The following WWC2 variants were observed in gnomAD, a reference collection of about 807,000 sequenced individuals.
WWC2 encodes protein WWC2.
In WWC2, 101 loss-of-function variants were observed where a neutral mutation model predicts 138.5. That is an observed-to-expected ratio of 0.73 (90% CI 0.62 to 0.86). The LOEUF (loss-of-function observed/expected upper bound fraction) is 0.86, where lower values mean the gene tolerates loss of function less well. Ranked by LOEUF, WWC2 falls within the 40% of genes least tolerant of loss-of-function variation. WWC2 has a pLI of 0.00. For missense variants in WWC2, 1,420 were observed against 1,419.4 expected, an observed-to-expected ratio of 1.00 and a Z score of -0.01; for synonymous variants, 558 against 538.4, an observed-to-expected ratio of 1.04 and a Z score of -0.50.
At chr4:183,304,534 C>G (rs1738962792) in intron 21 of WWC2, among the ~76,000 whole-genome samples, 1 of 152,192 alleles carries the variant, frequency 6.6e-6, no homozygotes, top group Non-Finnish European at 1.5e-5. Flanking sequence ...AAGGCCTGCC[C>G]TCAGGAGAAA....
At chr4:183,153,077 A>G (rs1733692154) in intron 1 of WWC2, among the ~76,000 whole-genome samples, 1 of 151,882 alleles carries the variant, frequency 6.6e-6, no homozygotes, top group South Asian at 2.1e-4. Context: ...AAAAATATAT[A>G]TAGTTTTTGT....
chr4:183,304,210 A>G (rs1738952830), intron 21 of WWC2, among the ~76,000 whole-genome samples: 1 of 152,168 alleles, frequency 6.6e-6, no homozygotes, highest in East Asian at 1.9e-4. Flanking sequence ...GGCAAGCAGA[A>G]CAAAGAATCA....
chr4:183,157,989 C>T (rs752266415), intron 1 of WWC2, among the ~76,000 whole-genome samples: 20 of 152,070 alleles, frequency 1.3e-4, no homozygotes, highest in African/African-American at 3.6e-4. Flanking sequence ...CTGTAGTATG[C>T]GATGATGCAC....
intron 1 of WWC2, among the ~76,000 whole-genome samples, chr4:183,164,623 C>A (rs1734083694): frequency 6.6e-6 from 1 of 151,872 alleles, no homozygotes; most frequent in African/African-American, 2.4e-5. Context: ...TTGAAACCAG[C>A]AGCAGAGAAG....
At chr4:183,255,629 C>A (rs1485472933) in intron 9 of WWC2, among the ~76,000 whole-genome samples, 1 of 152,126 alleles carries the variant, frequency 6.6e-6, no homozygotes, top group Non-Finnish European at 1.5e-5. Flanking sequence ...GAAGGACTTA[C>A]AAACAGATTT....
Position 183,260,918 on chromosome 4 carries a change from C to T in WWC2, c.1295C>T (p.Ala432Val), listed in dbSNP as rs779963976. ...YLHSQLKSLS[A>V]STLSMSSGSS... ...TGCTTTTTGTCTTTCAGCCTCTCTGCCAGCACCCTGTCCATGTCATCTGGG... is the reference window on the plus strand; with the variant it reads ...TGCTTTTTGTCTTTCAGCCTCTCTGTCAGCACCCTGTCCATGTCATCTGGG... The change falls in exon 11 of 23, where the codon GCC becomes GTC. Residue 432 changes from alanine (A) to valine (V), a missense_variant. By Grantham distance (64) the Ala-to-Val change is moderately conservative. Transcript: ENST00000403733. 6.2e-7 allele frequency: 1 copy of T among 1,613,464 alleles called. No individual in the cohort carries two copies. Among genetic ancestry groups the T allele is most frequent in the Admixed American group, 1.7e-5 (1 of 60,020 alleles).
At position 183,286,033 on chromosome 4, in the gene WWC2, G is replaced by A. The variant is rs778041497; in HGVS notation, c.3115G>A (p.Glu1039Lys). The change falls in exon 20 of 23, where the codon GAA becomes AAA. Residue 1039 changes from glutamate (E) to lysine (K), a missense_variant. Transcript: ENST00000403733. ...KKSLFVRNST[E>K]RRSLRVKRTV... is the part of the protein sequence containing the mutation. ...ATCACTGTTTGTGAGAAACTCCACC[G>A]AACGCCGCAGTTTGAGGGTCAAAAG... The A allele has an allele frequency of 3.2e-5, 51 of 1,585,208 alleles. No individual in the cohort carries two copies. The highest frequency in any genetic ancestry group is 6.7e-5 in the African/African-American group (5 of 74,504).
intron 5 of WWC2, among the ~76,000 whole-genome samples, 178 bp from the exon 6 acceptor site, chr4:183,245,225 TAAAAAAAAAAAAA>T (rs746541290): frequency 1.4e-5 from 1 of 69,478 alleles, no homozygotes; most frequent in Non-Finnish European, 3.2e-5. Context: ...AGACTCCATC[TAAAAAAAAAAAAA>T]AAAAAAAAAA....
At chr4:183,120,517 G>C (rs1310017578) in intron 1 of WWC2, among the ~76,000 whole-genome samples, 1 of 152,000 alleles carries the variant, frequency 6.6e-6, no homozygotes, top group Non-Finnish European at 1.5e-5. Flanking sequence ...TACTTTTTGG[G>C]TCACTTGAAA....
At chr4:183,249,557 G>A (rs1736908294) in intron 7 of WWC2, among the ~76,000 whole-genome samples, 1 of 152,078 alleles carries the variant, frequency 6.6e-6, no homozygotes. Context: ...TAGAAATTAG[G>A]CTCATAAAGG....
chr4:183,306,030 A>G (rs141481116), intron 21 of WWC2, among the ~76,000 whole-genome samples: 53 of 152,350 alleles, frequency 3.5e-4, no homozygotes, highest in African/African-American at 1.1e-3. Context: ...AGGTACTTGT[A>G]CTACTCATGA....
intron 4 of WWC2, among the ~76,000 whole-genome samples, chr4:183,225,998 A>G (rs1736059179): frequency 6.6e-6 from 1 of 152,168 alleles, no homozygotes; most frequent in African/African-American, 2.4e-5. Flanking sequence ...GATTATGAGC[A>G]TACTGTCCAG....
At chr4:183,309,800 C>G (rs1054552561) in intron 21 of WWC2, among the ~76,000 whole-genome samples, 1 of 152,230 alleles carries the variant, frequency 6.6e-6, no homozygotes, top group Non-Finnish European at 1.5e-5. Flanking sequence ...ATAGCCAAAA[C>G]TTGAAAGCAG....
intron 6 of WWC2, among the ~76,000 whole-genome samples, chr4:183,247,756 T>C (rs1193394926): frequency 7.3e-6 from 1 of 136,638 alleles, no homozygotes; most frequent in Non-Finnish European, 1.6e-5. Context: ...TACTACATAA[T>C]ATATATATAA....
At chr4:183,234,644 G>C (rs1158502779) in intron 4 of WWC2, among the ~76,000 whole-genome samples, 1 of 151,946 alleles carries the variant, frequency 6.6e-6, no homozygotes, top group African/African-American at 2.4e-5. Flanking sequence ...CCTTTAGCAG[G>C]TTACTTACCT....
intron 10 of WWC2, among the ~76,000 whole-genome samples, chr4:183,260,556 G>A (rs1056634294): frequency 2.0e-5 from 3 of 152,196 alleles, no homozygotes; most frequent in African/African-American, 7.2e-5. Context: ...CTACCATTGT[G>A]TTATAATTGC....
chr4:183,298,682 T>C (rs993781549), intron 21 of WWC2, among the ~76,000 whole-genome samples: 5 of 152,228 alleles, frequency 3.3e-5, no homozygotes, highest in African/African-American at 1.2e-4. Context: ...TAATAGGATT[T>C]TATATACTCA....
At chr4:183,110,772 T>C (rs1043319953) in intron 1 of WWC2, among the ~76,000 whole-genome samples, 12 of 152,226 alleles carry the variant, frequency 7.9e-5, no homozygotes, top group African/African-American at 2.9e-4. Flanking sequence ...AAAATGAGTA[T>C]GTCAACATTT....
chr4:183,224,162 G>C (rs1461492505), intron 4 of WWC2, among the ~76,000 whole-genome samples: 1 of 152,068 alleles, frequency 6.6e-6, no homozygotes, highest in African/African-American at 2.4e-5. Flanking sequence ...AAATTCCTTT[G>C]TTCCTATAAT....
Sources: gnomAD v4.1 joint callset for allele counts (sites outside exome capture counted in the v4.1 genomes callset) on GRCh38, gnomAD v4.1.1 for gene constraint, MANE v1.5 for transcripts, NCBI Gene and HGNC (gene_info 2026-07-23, HGNC 2026-07-21) for gene names.